The following FA2H variants were observed in gnomAD, a reference collection of about 807,000 sequenced individuals.
FA2H encodes the protein fatty acid alpha-hydroxylase.
Under a neutral mutation model 44.9 loss-of-function variants are expected in FA2H, and 22 were observed. The observed-to-expected ratio is 0.49, with a 90% CI of 0.35 to 0.70. The LOEUF (loss-of-function observed/expected upper bound fraction) is 0.70, where lower values mean the gene tolerates loss of function less well. Among genes scored for constraint, FA2H ranks in the 30% least tolerant of loss-of-function variants. FA2H has a pLI of 0.01. For missense variants in FA2H, 501 were observed against 504.9 expected (o/e 0.99, Z 0.07); for synonymous variants, 243 against 213.2 (o/e 1.14, Z -1.22).
At chr16:74,756,644 T>C (rs73616419) in intron 1 of FA2H, among the ~76,000 whole-genome samples, 14,987 of 152,082 alleles carry the variant, frequency 0.099, 883 homozygotes, top group African/African-American at 0.16. Context: ...AATAAAACAG[T>C]AGTGATTTCA....
chr16:74,756,434 A>G (rs982782799), intron 1 of FA2H, among the ~76,000 whole-genome samples: 12 of 152,044 alleles, frequency 7.9e-5, no homozygotes, highest in African/African-American at 2.9e-4. Context: ...GTGGCTTCTT[A>G]TCTGCTCCAG....
intron 4 of FA2H, chr16:74,725,965 CTCTT>C (rs1425361803): frequency 8.7e-6 from 4 of 461,264 alleles, no homozygotes; most frequent in Non-Finnish European, 1.6e-5. Flanking sequence ...CTCTCTCTCT[CTCTT>C]TTTTTATTGC....
intron 4 of FA2H, among the ~76,000 whole-genome samples, chr16:74,723,464 A>G (rs1961883134): frequency 6.6e-6 from 1 of 152,122 alleles, no homozygotes; most frequent in Non-Finnish European, 1.5e-5. Flanking sequence ...GGACAGCTCC[A>G]TGTGGTTGTC....
chr16:74,721,840 G>T (rs953338293), intron 4 of FA2H, among the ~76,000 whole-genome samples: 4 of 152,206 alleles, frequency 2.6e-5, no homozygotes, highest in Admixed American at 2.6e-4. Context: ...GTACCCTGGC[G>T]CATCCTCCTT....
intron 2 of FA2H, among the ~76,000 whole-genome samples, chr16:74,739,380 T>G (rs1031974536): frequency 2.0e-5 from 3 of 151,928 alleles, no homozygotes; most frequent in Non-Finnish European, 4.4e-5. Context: ...CAGTGACCCC[T>G]CCAGGCAAAG....
At chr16:74,726,384 G>C in intron 3 of FA2H, 53 bp from the exon 4 acceptor site, 8 of 1,142,362 alleles carry the variant, frequency 7.0e-6, no homozygotes, top group Non-Finnish European at 1.0e-5. Flanking sequence ...GCTTGACAGA[G>C]TACAGCTTTC....
At chr16:74,759,563 T>C (rs1485595073) in intron 1 of FA2H, among the ~76,000 whole-genome samples, 1 of 152,242 alleles carries the variant, frequency 6.6e-6, no homozygotes, top group Admixed American at 6.5e-5. Context: ...TGTACTTCCT[T>C]GTTTTCTAAA....
rs181796747 is a variant in FA2H, at chr16:74,767,318, C to A, written c.270+7168G>T. On this transcript the variant is annotated intron_variant, in intron 1 of 6. Transcript: ENST00000219368. ...GGGAGACTCATAAAAAAAAAAATCACTGAGCTGTATGTTTAAACTTTGTGC... is the reference window on the plus strand; with the variant it reads ...GGGAGACTCATAAAAAAAAAAATCAATGAGCTGTATGTTTAAACTTTGTGC... Among the ~76,000 whole-genome samples the A allele has an allele frequency of 2.8e-3, 429 of 151,976 alleles. 2 individuals carry two copies. The highest frequency in any genetic ancestry group is 9.9e-3 in the African/African-American group (409 of 41,480).
chr16:74,768,664 C>T (rs142796749), intron 1 of FA2H, among the ~76,000 whole-genome samples: 4 of 152,252 alleles, frequency 2.6e-5, no homozygotes, highest in South Asian at 2.1e-4. Flanking sequence ...AAGATGTTCC[C>T]GGTCCTGGGT....
At chr16:74,739,213 G>C (rs916722818) in intron 2 of FA2H, among the ~76,000 whole-genome samples, 2 of 152,204 alleles carry the variant, frequency 1.3e-5, no homozygotes, top group Admixed American at 6.5e-5. Flanking sequence ...GCAGGGAGGG[G>C]CCTGTCCCAT....
At position 74,726,093 on chromosome 16, in the gene FA2H, G is replaced by T. The variant is rs1045291148; in HGVS notation, c.613+132C>A. ...TCTTCTTTGGAAGACTATTTCTACA[G>T]AGAGGCTTCACCAAAAATGTCTGTG... On this transcript the variant is annotated intron_variant, in intron 4 of 6. Coordinates refer to ENST00000219368, the MANE Select transcript of FA2H (RefSeq NM_024306.5). 8.6e-6 allele frequency: 6 copies of T among 700,424 alleles called. No homozygotes were observed. In the African/African-American group the frequency reaches 8.8e-5, roughly 10 times the overall value. The allele number at this position is 700,424 out of a possible 1,614,324, so 43.4% of individuals were successfully genotyped here. A position where few individuals can be genotyped will look rare whatever the true frequency, so the allele number is the denominator to read the frequency against.
At chr16:74,773,318 A>G (rs971881558) in intron 1 of FA2H, among the ~76,000 whole-genome samples, 1 of 151,446 alleles carries the variant, frequency 6.6e-6, no homozygotes, top group African/African-American at 2.4e-5. Context: ...ATCTCTTCCT[A>G]TTGTTCTTAA....
At chr16:74,760,530 C>T (rs964863088) in intron 1 of FA2H, among the ~76,000 whole-genome samples, 15 of 152,292 alleles carry the variant, frequency 9.8e-5, no homozygotes, top group Admixed American at 7.8e-4. Flanking sequence ...TGGAGTGATC[C>T]GCTGATTGAT....
chr16:74,721,139 A>C (rs1961827769), intron 4 of FA2H, among the ~76,000 whole-genome samples: 1 of 151,792 alleles, frequency 6.6e-6, no homozygotes, highest in African/African-American at 2.4e-5. Flanking sequence ...AAGAATAGCC[A>C]GACTGTTTTC....
At chr16:74,725,161 T>C (rs944384593) in intron 4 of FA2H, among the ~76,000 whole-genome samples, 1 of 152,134 alleles carries the variant, frequency 6.6e-6, no homozygotes, top group Admixed American at 6.5e-5. Context: ...TGGGCTGGAT[T>C]TGGGGGAACT....
intron 1 of FA2H, among the ~76,000 whole-genome samples, chr16:74,753,692 A>G (rs1567647230): frequency 1.3e-5 from 2 of 152,016 alleles, no homozygotes; most frequent in African/African-American, 2.4e-5. Context: ...AAATAACCCC[A>G]TAAGCACTGC....
At chr16:74,752,666 G>C (rs148469363) in intron 1 of FA2H, among the ~76,000 whole-genome samples, 2,466 of 152,266 alleles carry the variant, frequency 0.016, 34 homozygotes, top group Non-Finnish European at 0.022. Context: ...GCACCAAGCA[G>C]GGTGCCTGGC....
Position 74,714,148 on chromosome 16 carries a change from G to A in FA2H, c.*42C>T. ...AATGGCGGGTGGGGGTCGGGAAGGG[G>A]CCAGGGCCGGGCTGAGGGCAGGACG... On this transcript the variant is annotated 3_prime_UTR_variant, in exon 7 of 7. Transcript: ENST00000219368. 1 of 1,339,558 alleles carries A rather than the reference G, an allele frequency of 7.5e-7. No individual in the cohort carries two copies. 83.0% of individuals were successfully genotyped at this position (1,339,558 alleles called of 1,614,324 possible).
chr16:74,741,806 A>ATGTGTGTGTGTGTG (rs1482714202), intron 1 of FA2H, among the ~76,000 whole-genome samples: 6 of 60,760 alleles, frequency 9.9e-5, no homozygotes, highest in Admixed American at 4.0e-4. Flanking sequence ...ATATATATAT[A>ATGTGTGTGTGTGTG]TATGTGTGTG....
Sources: allele counts gnomAD v4.1 joint callset (sites outside exome capture counted in the v4.1 genomes callset), GRCh38; gene constraint gnomAD v4.1.1; transcripts MANE v1.5; gene names NCBI Gene and HGNC (gene_info 2026-07-23, HGNC 2026-07-21).